The following SAMD4B variants were observed in gnomAD, a reference collection of about 807,000 sequenced individuals.
SAMD4B encodes sterile alpha motif domain containing 4B, also known as protein Smaug homolog 2.
A neutral mutation model predicts 74.5 loss-of-function variants in SAMD4B; 5 were observed. That is an observed-to-expected ratio of 0.07 (90% CI 0.04 to 0.14). The LOEUF (loss-of-function observed/expected upper bound fraction) is 0.14. Ranked by LOEUF, SAMD4B falls within the 10% of genes least tolerant of loss-of-function variation. SAMD4B has a pLI of 1.00. For missense variants in SAMD4B, 608 were observed against 921.8 expected (o/e 0.66, Z 4.41); for synonymous variants, 373 against 374.9 (o/e 1.00, Z 0.06).
At chr19:39,374,337 A>G (rs1435679838) in intron 4 of SAMD4B, among the ~76,000 whole-genome samples, 2 of 152,186 alleles carry the variant, frequency 1.3e-5, no homozygotes, top group East Asian at 3.9e-4. Flanking sequence ...AGCATCCTTC[A>G]GAAGAGGACC....
chr19:39,377,317 G>A (rs1363707787), intron 7 of SAMD4B, among the ~76,000 whole-genome samples, 168 bp from the exon 8 acceptor site: 1 of 152,102 alleles, frequency 6.6e-6, no homozygotes, highest in East Asian at 1.9e-4. Context: ...GAGGAAATGT[G>A]TACCTATATG....
Position 39,383,192 on chromosome 19 carries a change from C to T in SAMD4B, c.1973-16C>T, listed in dbSNP as rs1321633398. On this transcript the variant is annotated splice_polypyrimidine_tract_variant and intron_variant, in intron 12 of 13. Transcript: ENST00000610417. This position sits in a 1 kb window ranked among gnomAD's most constrained non-coding sequence, Gnocchi z 4.1. ...AGTTGGTCCTTACCACCCCCATTCT[C>T]CTCTCTCCCACCCAGACTGCCCGGT... The T allele has an allele frequency of 1.1e-5, 18 of 1,612,376 alleles. No individual in the cohort carries two copies. The highest frequency in any genetic ancestry group is 8.0e-5 in the African/African-American group (6 of 74,850).
intron 3 of SAMD4B, among the ~76,000 whole-genome samples, chr19:39,367,067 A>G (rs1371893113): frequency 6.6e-6 from 1 of 152,238 alleles, no homozygotes. Flanking sequence ...CATGCCAGGT[A>G]GGAATGATTC....
chr19:39,383,134 C>G lies in SAMD4B; in HGVS notation c.1973-74C>G. Reference sequence around the variant, plus strand: ...TCTTGCTCCCTTCCCATACCAGCATCCTTTGTCATCCCAGCTGTCTTCACC... The same window carrying G: ...TCTTGCTCCCTTCCCATACCAGCATGCTTTGTCATCCCAGCTGTCTTCACC... On this transcript the variant is annotated intron_variant, in intron 12 of 13. Transcript: ENST00000610417. This position sits in a 1 kb window ranked among gnomAD's most constrained non-coding sequence, Gnocchi z 4.1. 4 of 1,187,836 alleles carry G rather than the reference C, an allele frequency of 3.4e-6. No homozygotes were observed. The East Asian group carries it at 9.3e-5, about 28-fold the overall frequency. 73.6% of individuals were successfully genotyped at this position (1,187,836 alleles called of 1,614,324 possible). A position where few individuals can be genotyped will look rare whatever the true frequency, so the allele number is the denominator to read the frequency against.
At chr19:39,345,011 A>G (rs1427581161) in intron 1 of SAMD4B, among the ~76,000 whole-genome samples, 1 of 152,184 alleles carries the variant, frequency 6.6e-6, no homozygotes, top group African/African-American at 2.4e-5. Context: ...CTGGCCCAGC[A>G]GCAGCCACAT....
At chr19:39,354,321 GT>G (rs1407726183) in intron 2 of SAMD4B, among the ~76,000 whole-genome samples, 1 of 152,142 alleles carries the variant, frequency 6.6e-6, no homozygotes, top group Non-Finnish European at 1.5e-5. Flanking sequence ...TTCAAAGTCA[GT>G]TATGCCATTC....
chr19:39,375,516 C>T lies in SAMD4B; in HGVS notation c.668-134C>T. ...ATGAGGTATATCTGGTAGGCAGTTA[C>T]CCTTGGACCCCAGGTCCCTTCCTCT... On this transcript the variant is annotated intron_variant, in intron 4 of 13. Coordinates refer to ENST00000610417, the MANE Select transcript of SAMD4B (RefSeq NM_001384574.2). This position sits in a 1 kb window ranked among gnomAD's most constrained non-coding sequence, Gnocchi z 4.1. The T allele has an allele frequency of 8.8e-7, 1 of 1,140,306 alleles. No individual in the cohort carries two copies. The highest frequency in any genetic ancestry group is 1.6e-5 in the African/African-American group (1 of 64,220). 70.6% of individuals were successfully genotyped at this position (1,140,306 alleles called of 1,614,324 possible).
At chr19:39,381,665 G>A (rs116233675) in intron 12 of SAMD4B, among the ~76,000 whole-genome samples, 187 of 152,248 alleles carry the variant, frequency 1.2e-3, no homozygotes, top group African/African-American at 4.2e-3. Flanking sequence ...GGCCAAGTGC[G>A]GGCACAGTAA....
At position 39,356,853 on chromosome 19, in the gene SAMD4B, C is replaced by CGAGG; in HGVS notation, c.-40_-39insAGGG. 6.5e-7 allele frequency: 1 copy of CGAGG among 1,542,194 alleles called. No homozygotes were observed. The highest frequency in any genetic ancestry group is 2.3e-5 in the East Asian group (1 of 43,554). On this transcript the variant is annotated 5_prime_UTR_variant, in exon 3 of 14. Transcript: ENST00000610417. The stretch of plus-strand genomic sequence containing the variant: ...GGGACCATGTGACGGCGCTGGCCCT[C>CGAGG]GCCACCGCCGTCCCCCGACCCTGGC...
chr19:39,388,303 A>G (rs2078297742), downstream of SAMD4B: 1 of 1,612,038 alleles, frequency 6.2e-7, no homozygotes. Flanking sequence ...TAAGAAGCAC[A>G]GATCCAGGCT....
At chr19:39,366,191 C>T (rs558870097) in intron 3 of SAMD4B, among the ~76,000 whole-genome samples, 56 of 152,304 alleles carry the variant, frequency 3.7e-4, no homozygotes, top group African/African-American at 1.3e-3. Context: ...TGGTATGTGG[C>T]TGTAATCGCA....
rs148510312 is a variant in SAMD4B, at chr19:39,362,346, T to A, written c.196+5257T>A. ...GCCCGGGAAGCTGGTGAGGATACTG[T>A]TGTGTGACCTACTAGAAGTGGGGAG... On this transcript the variant is annotated intron_variant, in intron 3 of 13. Coordinates refer to ENST00000610417, the MANE Select transcript of SAMD4B (RefSeq NM_001384574.2). 3.7e-3 allele frequency among the ~76,000 whole-genome samples: 559 copies of A among 152,220 alleles called. 3 individuals carry two copies. Among genetic ancestry groups the A allele is most frequent in the African/African-American group, 0.013 (538 of 41,534 alleles).
At chr19:39,389,653 G>A (rs1274035179), downstream of SAMD4B, 1 of 1,614,242 alleles carries the variant, frequency 6.2e-7, no homozygotes. The surrounding 1 kb of genome is among the most constrained non-coding windows in gnomAD (Gnocchi z 5.3). Flanking sequence ...TGGGGTCGAT[G>A]CGGTAGGTGT....
intron 1 of SAMD4B, among the ~76,000 whole-genome samples, chr19:39,349,522 T>TG: frequency 6.6e-6 from 1 of 152,344 alleles, no homozygotes; most frequent in Middle Eastern, 3.4e-3. Flanking sequence ...TCTTTGCTAA[T>TG]GCAGTGGTGT....
At position 39,375,481 on chromosome 19, in the gene SAMD4B, A is replaced by C. The variant is rs1344150686; in HGVS notation, c.668-169A>C. Among the ~76,000 whole-genome samples, 2 of 152,078 alleles carry C rather than the reference A, an allele frequency of 1.3e-5. No individual in the cohort carries two copies. Among genetic ancestry groups the C allele is most frequent in the Non-Finnish European group, 2.9e-5 (2 of 67,996 alleles). On this transcript the variant is annotated intron_variant, in intron 4 of 13. Coordinates refer to ENST00000610417, the MANE Select transcript of SAMD4B (RefSeq NM_001384574.2). The surrounding 1 kb of genome is among the most constrained non-coding windows in gnomAD (Gnocchi z 4.1). ...AGCTTGCTGATGGGTTGGGTGTTGG[A>C]GGTAAGAGAATGAGGTATATCTGGT...
At chr19:39,359,012 T>C (rs1300232714) in intron 3 of SAMD4B, among the ~76,000 whole-genome samples, 1 of 152,236 alleles carries the variant, frequency 6.6e-6, no homozygotes, top group Non-Finnish European at 1.5e-5. Context: ...TAGTTCCTAG[T>C]CTGGCAGTAA....
At chr19:39,388,759 T>C (rs746282027), downstream of SAMD4B, 2 of 1,612,616 alleles carry the variant, frequency 1.2e-6, no homozygotes, top group Admixed American at 1.7e-5. Context: ...CAGGACCACC[T>C]ACCTAATCAT....
At chr19:39,387,131 A>G, downstream of SAMD4B, 5 of 442,456 alleles carry the variant, frequency 1.1e-5, no homozygotes, top group South Asian at 1.0e-4. Flanking sequence ...CTCTTACACA[A>G]ACGTACATAG....
intron 3 of SAMD4B, among the ~76,000 whole-genome samples, chr19:39,359,590 C>T (rs1480214256): frequency 3.3e-5 from 5 of 152,174 alleles, no homozygotes; most frequent in Non-Finnish European, 7.3e-5. Context: ...GTCTGTTTCT[C>T]GTTAAGTATT....
Sources: allele counts gnomAD v4.1 joint callset (sites outside exome capture counted in the v4.1 genomes callset), GRCh38; gene constraint gnomAD v4.1.1; non-coding constraint Gnocchi (gnomAD v3.1); transcripts MANE v1.5; gene names NCBI Gene and HGNC (gene_info 2026-07-23, HGNC 2026-07-21).